Variants in IRF1 observed in about 807,000 individuals in gnomAD.
IRF1 encodes interferon regulatory factor-1.
Under a neutral mutation model 43.7 loss-of-function variants are expected in IRF1, and 13 were observed. The ratio of observed to expected loss-of-function variants is 0.30; its 90% CI spans 0.19 to 0.47. IRF1 has a LOEUF of 0.47. Ranked by LOEUF, IRF1 falls within the 20% of genes least tolerant of loss-of-function variation. The pLI is 0.99. For missense variants in IRF1, 236 were observed against 408.9 expected (o/e 0.58, Z 3.65); for synonymous variants, 138 against 146.8 (o/e 0.94, Z 0.43).
Position 132,486,639 on chromosome 5 carries a change from G to GCT in IRF1, c.460_461dup (p.Ser154ArgfsTer27). 1 of 1,614,206 alleles carries GCT rather than the reference G, an allele frequency of 6.2e-7. No homozygotes were observed. Among genetic ancestry groups the GCT allele is most frequent in the Non-Finnish European group, 8.5e-7 (1 of 1,180,034 alleles). On this transcript the variant is annotated frameshift_variant, in exon 6 of 10. Transcript: ENST00000245414. LOFTEE classifies it high-confidence loss of function. Reference sequence around the variant, plus strand: ...TGCTGTGGTCATCAGGCAGAGTGGAGCTGCTGAGTCCATCAGAGAAGGTAT... The same window carrying GCT: ...TGCTGTGGTCATCAGGCAGAGTGGAGCTCTGCTGAGTCCATCAGAGAAGGTAT...
At chr5:132,484,659 C>T in intron 8 of IRF1, 162 bp from the exon 9 acceptor site, 1 of 824,958 alleles carries the variant, frequency 1.2e-6, no homozygotes, top group South Asian at 1.8e-5. Flanking sequence ...GGACAAGGGC[C>T]CGGGAGGGAG....
At position 132,484,510 on chromosome 5, in the gene IRF1, G is replaced by T. The variant is rs1484665107; in HGVS notation, c.718-13C>A. 6.2e-7 allele frequency: 1 copy of T among 1,614,014 alleles called. No individual in the cohort carries two copies. Among genetic ancestry groups the T allele is most frequent in the South Asian group, 1.1e-5 (1 of 91,078 alleles). On this transcript the variant is annotated splice_polypyrimidine_tract_variant and intron_variant, in intron 8 of 9. Coordinates refer to ENST00000245414, the MANE Select transcript of IRF1 (RefSeq NM_002198.3). Reference sequence around the variant, plus strand: ...ACTGCTCCAAGAGCTGGGGACAGAAGAGCAAGAGGCTATCAACTCCCTTCC... The same window carrying T: ...ACTGCTCCAAGAGCTGGGGACAGAATAGCAAGAGGCTATCAACTCCCTTCC...
intron 7 of IRF1, 132 bp downstream of exon 7, chr5:132,486,119 G>T: frequency 7.8e-7 from 1 of 1,274,634 alleles, no homozygotes; most frequent in Non-Finnish European, 1.1e-6. Context: ...CCCCTATGGT[G>T]GCTAAGACTG....
intron 4 of IRF1, 23 bp downstream of exon 4, chr5:132,486,931 A>G (rs754308292): frequency 1.2e-6 from 2 of 1,613,504 alleles, no homozygotes; most frequent in South Asian, 2.2e-5. Context: ...AGGGCTTCCC[A>G]AGGACCCAGA....
chr5:132,487,607 AAG>A (rs1466932065), intron 3 of IRF1: 2 of 407,870 alleles, frequency 4.9e-6, no homozygotes, highest in Non-Finnish European at 9.1e-6. Flanking sequence ...CACGAAGAAA[AAG>A]GCAGACCTGG....
intron 7 of IRF1, chr5:132,485,998 A>C (rs1580938489): frequency 1.7e-6 from 1 of 603,046 alleles, no homozygotes. Flanking sequence ...AGGAGGAAGG[A>C]GAACCAGCAC....
chr5:132,489,902 G>A, intron 1 of IRF1: 1 of 191,694 alleles, frequency 5.2e-6, no homozygotes, highest in Non-Finnish European at 1.1e-5. Flanking sequence ...CTAGCAAAGG[G>A]CTAGCCGTCA....
chr5:132,482,866 TCCTGA>T lies in IRF1; in HGVS notation c.*1080_*1084del, dbSNP rs987506866. On this transcript the variant is annotated 3_prime_UTR_variant, in exon 10 of 10. Transcript: ENST00000245414. ...GAGTTTCACCAGGCTGGTCTCGAAC[TCCTGA>T]CCTCAGGTGATCCACCCATCTCGGC... The T allele has an allele frequency of 4.0e-5, 6 of 151,668 alleles. No homozygotes were observed. Among genetic ancestry groups the T allele is most frequent in the Admixed American group, 3.9e-4 (6 of 15,206 alleles). 9.4% of individuals were successfully genotyped at this position (151,668 alleles called of 1,614,324 possible).
chr5:132,485,806 TTCTC>T lies in IRF1; in HGVS notation c.668-94_668-91del, dbSNP rs1467453243. ...CCAGCCCACCAGATCCCCCTGCCCT[TTCTC>T]TGTCTCTCTGTCTCTCTGACACACA... is the stretch of plus-strand genomic sequence containing the variant. On this transcript the variant is annotated intron_variant, in intron 7 of 9. Transcript: ENST00000245414. 22 of 906,054 alleles carry T rather than the reference TTCTC, an allele frequency of 2.4e-5. No individual in the cohort carries two copies. In the South Asian group the frequency reaches 2.9e-4, roughly 12 times the overall value. The allele number at this position is 906,054 out of a possible 1,614,324, so 56.1% of individuals were successfully genotyped here. A position where few individuals can be genotyped will look rare whatever the true frequency, so the allele number is the denominator to read the frequency against.
intron 2 of IRF1, chr5:132,488,261 A>G: frequency 2.0e-6 from 1 of 508,880 alleles, no homozygotes; most frequent in Non-Finnish European, 3.6e-6. Context: ...TAGCTCACAA[A>G]GACCTCCCTC....
At chr5:132,484,740 T>C (rs1754473448) in intron 8 of IRF1, 2 of 513,570 alleles carry the variant, frequency 3.9e-6, no homozygotes, top group Non-Finnish European at 7.0e-6. Flanking sequence ...CTCTCTGGTA[T>C]AGCATCTCCA....
At chr5:132,484,768 G>A in intron 8 of IRF1, 2 of 429,074 alleles carry the variant, frequency 4.7e-6, no homozygotes, top group South Asian at 4.1e-5. Context: ...CCTCTCAACT[G>A]TGTAAGGACA....
intron 7 of IRF1, chr5:132,485,962 C>T: frequency 7.8e-6 from 2 of 257,290 alleles, no homozygotes; most frequent in South Asian, 5.2e-5. Flanking sequence ...CTACTTCCTT[C>T]CTCACCCTCA....
rs1336686072 is a variant in IRF1 at position 132,486,620 on chromosome 5, G to A, written c.481C>T (p.His161Tyr). 1 of 1,614,024 alleles carries A rather than the reference G, an allele frequency of 6.2e-7. No individual in the cohort carries two copies. The highest frequency in any genetic ancestry group is 8.5e-7 in the Non-Finnish European group (1 of 1,180,028). ...TAGCCTGGAACTGTGTAGCTGCTGT[G>A]GTCATCAGGCAGAGTGGAGCTGCTG... ...GLSSSTLPDD[H>Y]SSYTVPGYMQ... Residue 161 changes from histidine to tyrosine, a missense_variant, in exon 6 of 10, where the codon CAC becomes TAC. Coordinates refer to ENST00000245414, the MANE Select transcript of IRF1 (RefSeq NM_002198.3).
intron 7 of IRF1, 133 bp from the exon 8 acceptor site, chr5:132,485,849 A>ACACACACACACCC (rs111906639): frequency 6.0e-6 from 4 of 669,836 alleles, no homozygotes; most frequent in East Asian, 2.7e-5. Flanking sequence ...ACACACACAC[A>ACACACACACACCC]CCCTCCCGGT....
chr5:132,484,079 GA>G lies in IRF1; in HGVS notation c.854-5del. 2 of 1,613,644 alleles carry G rather than the reference GA, an allele frequency of 1.2e-6. No homozygotes were observed. The highest frequency in any genetic ancestry group is 1.7e-4 in the Middle Eastern group (1 of 6,024). ...TGTAGACTCAGCCCAATATCCCCTA[GA>G]AGATGTGAAGAAGGTTGTATGAGGG... On this transcript the variant is annotated splice_region_variant and splice_polypyrimidine_tract_variant and intron_variant, in intron 9 of 9. Transcript: ENST00000245414.
intron 2 of IRF1, chr5:132,488,324 T>C (rs1193881136): frequency 6.6e-6 from 2 of 301,434 alleles, no homozygotes; most frequent in Non-Finnish European, 1.3e-5. Context: ...CCCAAAGCCC[T>C]GGTTTTGAAG....
chr5:132,489,652 T>C (rs1260184064), intron 1 of IRF1, 169 bp from the exon 2 acceptor site: 1 of 558,590 alleles, frequency 1.8e-6, no homozygotes, highest in Non-Finnish European at 3.3e-6. Context: ...CTCTCCAAAT[T>C]TTTTCAGCAT....
intron 6 of IRF1, 33 bp from the exon 7 acceptor site, chr5:132,486,406 G>A (rs775781685): frequency 6.2e-7 from 1 of 1,610,152 alleles, no homozygotes; most frequent in Non-Finnish European, 8.5e-7. Flanking sequence ...GGTCAAGGTT[G>A]TGTGCTTTCT....
Sources: gnomAD v4.1 joint callset for allele counts on GRCh38, gnomAD v4.1.1 for gene constraint, MANE v1.5 for transcripts, NCBI Gene and HGNC (gene_info 2026-07-23, HGNC 2026-07-21) for gene names.